Variants in GPHN observed in about 807,000 individuals in gnomAD.
GPHN encodes the protein gephyrin.
A neutral mutation model predicts 95.5 loss-of-function variants in GPHN; 17 were observed. The ratio of observed to expected loss-of-function variants is 0.18; its 90% confidence interval spans 0.12 to 0.27. The LOEUF (loss-of-function observed/expected upper bound fraction) is 0.27. Ranked by LOEUF, GPHN falls within the 10% of genes least tolerant of loss-of-function variation. The pLI, the probability that GPHN is intolerant of heterozygous loss-of-function variation, is 1.00. For synonymous variants in GPHN, 320 were observed against 322.5 expected (o/e 0.99, Z 0.08); for missense variants, 660 against 978.1 (o/e 0.67, Z 4.34).
the GPHN span, among the ~76,000 whole-genome samples, chr14:67,486,272 G>A: frequency 3.3e-5 from 5 of 152,132 alleles, no homozygotes. Flanking sequence ...AGATCTGATG[G>A]GTTTTTGTTT....
At chr14:67,360,129 A>T in the GPHN span, 1 of 419,828 alleles carries the variant, frequency 2.4e-6, no homozygotes, top group Non-Finnish European at 4.2e-6. Context: ...TTCATTCTTC[A>T]GAGGCAAGGA....
Position 66,701,776 on chromosome 14 carries a change from C to T in GPHN, c.143+20591C>T, listed in dbSNP as rs548739798. 5.9e-5 allele frequency among the ~76,000 whole-genome samples: 9 copies of T among 152,322 alleles called. No individual in the cohort carries two copies. In the East Asian group the frequency reaches 1.7e-3, roughly 29 times the overall value. On this transcript the variant is annotated intron_variant, in intron 2 of 22. Coordinates refer to ENST00000478722, the MANE Select transcript of GPHN (RefSeq NM_020806.5). ...GAATCTACTTAAGCCTACCAAGCTC[C>T]TGGGGGGAGGGGCGACCAACACCAC...
At chr14:66,778,865 A>G (rs1002245702) in intron 3 of GPHN, among the ~76,000 whole-genome samples, 2 of 150,442 alleles carry the variant, frequency 1.3e-5, no homozygotes, top group African/African-American at 4.9e-5. Flanking sequence ...CCTCCCGAGT[A>G]GCTTGGATTA....
chr14:67,208,375 G>T, the GPHN span: 1 of 1,613,950 alleles, frequency 6.2e-7, no homozygotes, highest in Non-Finnish European at 8.5e-7. Flanking sequence ...ATACATCCAA[G>T]GAGATGAAGG....
At chr14:66,654,458 A>C (rs1415200075) in intron 1 of GPHN, among the ~76,000 whole-genome samples, 1 of 152,106 alleles carries the variant, frequency 6.6e-6, no homozygotes, top group Non-Finnish European at 1.5e-5. Flanking sequence ...TCCATCTGCA[A>C]ATCCTCTTGA....
the GPHN span, among the ~76,000 whole-genome samples, chr14:67,210,307 C>T: frequency 1.3e-5 from 2 of 152,234 alleles, no homozygotes; most frequent in African/African-American, 4.8e-5. Context: ...AGAGCTATGG[C>T]TGGCATGGTG....
At chr14:66,523,440 C>T (rs1247172328) in intron 1 of GPHN, among the ~76,000 whole-genome samples, 2 of 151,996 alleles carry the variant, frequency 1.3e-5, no homozygotes, top group Non-Finnish European at 2.9e-5. Flanking sequence ...AGCACTCCCT[C>T]CAAAATAGTT....
intron 8 of GPHN, among the ~76,000 whole-genome samples, chr14:66,932,354 C>T (rs1251173097): frequency 1.4e-5 from 2 of 147,958 alleles, no homozygotes; most frequent in African/African-American, 5.0e-5. Flanking sequence ...TTGCCCAAGG[C>T]CTGTGGCAAC....
intron 2 of GPHN, among the ~76,000 whole-genome samples, chr14:66,759,129 G>T (rs1235066155): frequency 2.0e-5 from 3 of 152,156 alleles, no homozygotes; most frequent in Non-Finnish European, 2.9e-5. Context: ...ATGGAACTCT[G>T]TTCCACAAGG....
intron 2 of GPHN, among the ~76,000 whole-genome samples, chr14:66,689,437 C>T (rs912868205): frequency 6.6e-6 from 1 of 152,064 alleles, no homozygotes; most frequent in South Asian, 2.1e-4. Context: ...TTTTAATATG[C>T]TGCTGGATTC....
At chr14:67,569,468 C>T in the GPHN span, among the ~76,000 whole-genome samples, 1 of 152,350 alleles carries the variant, frequency 6.6e-6, no homozygotes, top group South Asian at 2.1e-4. Flanking sequence ...AGGGGGCCTC[C>T]AGCCCAGCCT....
the GPHN span, chr14:67,201,755 A>C: frequency 6.1e-6 from 2 of 327,256 alleles, no homozygotes. Context: ...TGGGTAAGTT[A>C]TCAATAGTGT....
At chr14:66,650,829 A>G (rs963430308) in intron 1 of GPHN, among the ~76,000 whole-genome samples, 2 of 152,164 alleles carry the variant, frequency 1.3e-5, no homozygotes, top group Admixed American at 6.5e-5. Context: ...AGCAGCTACC[A>G]TTACTTGACA....
At chr14:66,973,591 C>G (rs965236628) in intron 9 of GPHN, among the ~76,000 whole-genome samples, 2 of 152,098 alleles carry the variant, frequency 1.3e-5, no homozygotes, top group African/African-American at 4.8e-5. Flanking sequence ...AACCCTGTCT[C>G]TACTAAAAAT....
intron 16 of GPHN, among the ~76,000 whole-genome samples, chr14:67,116,261 C>CAAAGAAAGAAAAGAAAAAG (rs533263143): frequency 3.0e-5 from 3 of 100,770 alleles, no homozygotes; most frequent in African/African-American, 3.8e-5. Context: ...CAGAGTGAGA[C>CAAAGAAAGAAAAGAAAAAG]AAAGAAAGAA....
At chr14:66,799,211 T>C (rs941550204) in intron 3 of GPHN, among the ~76,000 whole-genome samples, 1 of 151,958 alleles carries the variant, frequency 6.6e-6, no homozygotes, top group Non-Finnish European at 1.5e-5. Flanking sequence ...AAAAAATGTT[T>C]TAAGACATAT....
At chr14:67,413,085 A>T in the GPHN span, among the ~76,000 whole-genome samples, 9 of 152,054 alleles carry the variant, frequency 5.9e-5, no homozygotes, top group Non-Finnish European at 1.2e-4. Flanking sequence ...ATTTTAATGC[A>T]TTTTTTAAAA....
At chr14:66,896,495 G>A (rs1341157582) in intron 5 of GPHN, among the ~76,000 whole-genome samples, 2 of 151,912 alleles carry the variant, frequency 1.3e-5, no homozygotes, top group Non-Finnish European at 2.9e-5. Context: ...GCACGTGCCT[G>A]TAGCTACTCG....
intron 1 of GPHN, among the ~76,000 whole-genome samples, chr14:66,658,161 G>A (rs1376589152): frequency 5.9e-5 from 9 of 152,138 alleles, no homozygotes; most frequent in African/African-American, 1.9e-4. Flanking sequence ...TGCAGATGTG[G>A]TAAAAATAGC....
Sources: allele counts gnomAD v4.1 joint callset (sites outside exome capture counted in the v4.1 genomes callset), GRCh38; gene constraint gnomAD v4.1.1; transcripts MANE v1.5; gene names NCBI Gene and HGNC (gene_info 2026-07-23, HGNC 2026-07-21).